The following GCLM variants were observed in gnomAD, a reference collection of about 807,000 sequenced individuals.
The protein encoded by GCLM is glutamate--cysteine ligase regulatory subunit.
In GCLM, 15 loss-of-function variants were observed where a neutral mutation model predicts 36.0. The observed-to-expected ratio is 0.42, with a 90% CI of 0.28 to 0.64. The LOEUF (loss-of-function observed/expected upper bound fraction) is 0.64. Among genes scored for constraint, GCLM ranks in the 30% least tolerant of loss-of-function variants. GCLM has a pLI of 0.25. For missense variants in GCLM, 242 were observed against 325.5 expected (o/e 0.74, Z 1.97); for synonymous variants, 129 against 122.8 (o/e 1.05, Z -0.34).
At chr1:93,901,202 C>G (rs1010992892) in intron 3 of GCLM, among the ~76,000 whole-genome samples, 3 of 152,098 alleles carry the variant, frequency 2.0e-5, no homozygotes, top group African/African-American at 7.2e-5. Context: ...TCCCAGGTGA[C>G]CTCACACATT....
In GCLM at chr1:93,909,050, C is replaced by T; in HGVS notation, c.114G>A (p.Thr38=). The change falls in exon 1 of 7, where the codon ACG becomes ACA. Residue 38 remains threonine, a synonymous_variant. Transcript: ENST00000370238. ...WGRLRKKCPS[T]HSEELHDCIQ... Reference sequence around the variant, plus strand: ...TCGCCACGCTCACCTCCTCGCTGTGCGTGGACGGGCACTTCTTCCGCAGGC... The same window carrying T: ...TCGCCACGCTCACCTCCTCGCTGTGTGTGGACGGGCACTTCTTCCGCAGGC... 6.8e-7 allele frequency: 1 copy of T among 1,471,986 alleles called. No individual in the cohort carries two copies. Among genetic ancestry groups the T allele is most frequent in the Non-Finnish European group, 9.0e-7 (1 of 1,117,032 alleles). The allele number at this position is 1,471,986 out of a possible 1,614,324, so 91.2% of individuals were successfully genotyped here.
rs1303304701 is a variant in GCLM, at chr1:93,909,337, ACGGCGGCTGGG to A, written c.-185_-175del. ...TGCGCTCGGGCCCGAGGGAGGCCGG[ACGGCGGCTGGG>A]CGGCGGCGGGAAAGGAAGGCACCGG... is the stretch of plus-strand genomic sequence containing the variant. On this transcript the variant is annotated 5_prime_UTR_variant, in exon 1 of 7. Coordinates refer to ENST00000370238, the MANE Select transcript of GCLM (RefSeq NM_002061.4). 6 of 1,029,444 alleles carry A rather than the reference ACGGCGGCTGGG, an allele frequency of 5.8e-6. No individual in the cohort carries two copies. The highest frequency in any genetic ancestry group is 9.2e-5 in the East Asian group (1 of 10,872). 63.8% of individuals were successfully genotyped at this position (1,029,444 alleles called of 1,614,324 possible). A position where few individuals can be genotyped will look rare whatever the true frequency, so the allele number is the denominator to read the frequency against.
Position 93,886,497 on chromosome 1 carries a change from TAA to T in GCLM, c.*2491_*2492del, listed in dbSNP as rs1302337908. 1 of 152,148 alleles carries T rather than the reference TAA, an allele frequency of 6.6e-6. No individual in the cohort carries two copies. The highest frequency in any genetic ancestry group is 1.9e-4 in the East Asian group (1 of 5,194). The allele number at this position is 152,148 out of a possible 1,614,324, so 9.4% of individuals were successfully genotyped here. ...TATAAAGCCTTAAAAATCAGTGTTT[TAA>T]AAGAGTATTCAATAATAGAAAATCA... On this transcript the variant is annotated 3_prime_UTR_variant, in exon 7 of 7. Transcript: ENST00000370238.
chr1:93,897,622 C>G (rs1190841013), intron 4 of GCLM, among the ~76,000 whole-genome samples: 3 of 151,740 alleles, frequency 2.0e-5, no homozygotes, highest in African/African-American at 7.3e-5. Flanking sequence ...CATTTAAGTA[C>G]ATTACACCTT....
Position 93,885,469 on chromosome 1 carries a change from C to A in GCLM, c.*3521G>T, listed in dbSNP as rs986647087. The A allele has an allele frequency of 6.6e-6, 1 of 151,908 alleles. No homozygotes were observed. Among genetic ancestry groups the A allele is most frequent in the African/African-American group, 2.4e-5 (1 of 41,360 alleles). The allele number at this position is 151,908 out of a possible 1,614,324, so 9.4% of individuals were successfully genotyped here. ...GACTTATCTAATTAAAACATTTTCC[C>A]TTCCTATGTTTCTAATTCTGAAAAC... On this transcript the variant is annotated 3_prime_UTR_variant, in exon 7 of 7. Transcript: ENST00000370238.
intron 1 of GCLM, 21 bp downstream of exon 1, chr1:93,909,017 G>C: frequency 2.1e-6 from 3 of 1,444,740 alleles, no homozygotes; most frequent in Non-Finnish European, 1.8e-6. Flanking sequence ...GGAGCCCCGC[G>C]GCGAGTGTCG....
At chr1:93,899,455 T>G (rs1468251976) in intron 3 of GCLM, among the ~76,000 whole-genome samples, 1 of 152,238 alleles carries the variant, frequency 6.6e-6, no homozygotes, top group Non-Finnish European at 1.5e-5. Flanking sequence ...GTTCTACTTA[T>G]TGAACATTTA....
chr1:93,892,354 AG>A (rs1467540404), intron 6 of GCLM, among the ~76,000 whole-genome samples: 2 of 152,300 alleles, frequency 1.3e-5, no homozygotes, highest in East Asian at 3.9e-4. Flanking sequence ...AGTTTTACAG[AG>A]TTAAATTTTA....
At position 93,888,776 on chromosome 1, in the gene GCLM, CAAT is replaced by C. The variant is rs1239415533; in HGVS notation, c.*211_*213del. The stretch of plus-strand genomic sequence containing the variant: ...TTTATAGACAATTTCAATTAGAAAA[CAAT>C]AGTTTAAGGAAAGCAATACAGAGGT... On this transcript the variant is annotated 3_prime_UTR_variant, in exon 7 of 7. Coordinates refer to ENST00000370238, the MANE Select transcript of GCLM (RefSeq NM_002061.4). 2 of 362,192 alleles carry C rather than the reference CAAT, an allele frequency of 5.5e-6. No homozygotes were observed. Among genetic ancestry groups the C allele is most frequent in the African/African-American group, 4.2e-5 (2 of 47,686 alleles). The allele number at this position is 362,192 out of a possible 1,614,324, so 22.4% of individuals were successfully genotyped here. A position where few individuals can be genotyped will look rare whatever the true frequency, so the allele number is the denominator to read the frequency against.
chr1:93,890,727 G>A (rs1339428278), intron 6 of GCLM, among the ~76,000 whole-genome samples: 1 of 152,120 alleles, frequency 6.6e-6, no homozygotes, highest in Admixed American at 6.6e-5. Context: ...ATGCATGCCT[G>A]GCTGTGGAAT....
intron 1 of GCLM, among the ~76,000 whole-genome samples, chr1:93,906,429 A>G (rs1657148710): frequency 6.6e-6 from 1 of 152,200 alleles, no homozygotes; most frequent in Admixed American, 6.5e-5. Flanking sequence ...TAATTCTAAG[A>G]AATTTCCCTC....
At chr1:93,894,516 T>C in intron 6 of GCLM, 98 bp downstream of exon 6, 2 of 693,340 alleles carry the variant, frequency 2.9e-6, no homozygotes, top group South Asian at 3.4e-5. Context: ...AACACTGTAT[T>C]TTTATCACTG....
Position 93,888,828 on chromosome 1 carries a change from G to C in GCLM, c.*162C>G. The stretch of plus-strand genomic sequence containing the variant: ...GTTCATGAGAATGGATTGATATGGA[G>C]GCAAGATAAGTATTTAAAACTTGAC... On this transcript the variant is annotated 3_prime_UTR_variant, in exon 7 of 7. Coordinates refer to ENST00000370238, the MANE Select transcript of GCLM (RefSeq NM_002061.4). The C allele has an allele frequency of 2.2e-6, 1 of 460,324 alleles. No homozygotes were observed. Among genetic ancestry groups the C allele is most frequent in the East Asian group, 3.4e-5 (1 of 29,618 alleles). 28.5% of individuals were successfully genotyped at this position (460,324 alleles called of 1,614,324 possible). A position where few individuals can be genotyped will look rare whatever the true frequency, so the allele number is the denominator to read the frequency against.
At chr1:93,890,790 A>G (rs912821429) in intron 6 of GCLM, among the ~76,000 whole-genome samples, 1 of 152,216 alleles carries the variant, frequency 6.6e-6, no homozygotes, top group Admixed American at 6.5e-5. Context: ...CTATATTGCC[A>G]ACTGCTTTAC....
intron 2 of GCLM, among the ~76,000 whole-genome samples, chr1:93,902,361 G>GT (rs945973903): frequency 1.3e-5 from 2 of 151,988 alleles, no homozygotes; most frequent in Admixed American, 1.3e-4. Context: ...TGTATTTTTA[G>GT]TAGAGACAGG....
At position 93,895,112 on chromosome 1, in the gene GCLM, G is replaced by C. The variant is rs6703130; in HGVS notation, c.541-384C>G. On this transcript the variant is annotated intron_variant, in intron 5 of 6. Coordinates refer to ENST00000370238, the MANE Select transcript of GCLM (RefSeq NM_002061.4). ...TCACTGCAACCTCCACATACCAGGT[G>C]CAAGCAATTCTCCTGCCTCAGCCTC... Among the ~76,000 whole-genome samples the C allele has an allele frequency of 7.3e-5, 11 of 150,878 alleles. No individual in the cohort carries two copies. The South Asian group carries it at 2.3e-3, about 32-fold the overall frequency.
At chr1:93,898,851 G>A (rs186587923) in intron 3 of GCLM, among the ~76,000 whole-genome samples, 31 of 152,032 alleles carry the variant, frequency 2.0e-4, no homozygotes, top group African/African-American at 6.7e-4. Context: ...TTGAACTCCC[G>A]GTCTCAAACA....
chr1:93,906,623 T>C (rs1418877064), intron 1 of GCLM, among the ~76,000 whole-genome samples: 2 of 152,232 alleles, frequency 1.3e-5, no homozygotes, highest in Non-Finnish European at 2.9e-5. Flanking sequence ...AGGAAATTCA[T>C]TGACTTTATC....
Position 93,909,118 on chromosome 1 carries a change from G to A in GCLM, c.46C>T (p.Arg16Cys). 1 of 1,433,310 alleles carries A rather than the reference G, an allele frequency of 7.0e-7. No homozygotes were observed. The highest frequency in any genetic ancestry group is 1.4e-5 in the South Asian group (1 of 72,986). The allele number at this position is 1,433,310 out of a possible 1,614,324, so 88.8% of individuals were successfully genotyped here. A position where few individuals can be genotyped will look rare whatever the true frequency, so the allele number is the denominator to read the frequency against. The part of the protein sequence containing the change: ...RAAKALLARA[R>C]TLHLQTGNLL... ...TTCCCCGTCTGCAGGTGCAGGGTGC[G>A]GGCCCGCGCCAGGAGCGCCTTGGCC... Residue 16 changes from arginine (R) to cysteine (C), a missense_variant, in exon 1 of 7, where the codon CGC (arginine) becomes TGC (cysteine). Transcript: ENST00000370238.
Sources: allele counts gnomAD v4.1 joint callset (sites outside exome capture counted in the v4.1 genomes callset), GRCh38; gene constraint gnomAD v4.1.1; transcripts MANE v1.5; gene names NCBI Gene and HGNC (gene_info 2026-07-23, HGNC 2026-07-21).